ITSN2: variants seen among roughly 807,000 people sequenced by gnomAD.
ITSN2 encodes the protein intersectin 2.
Under a neutral mutation model 243.7 loss-of-function variants are expected in ITSN2, and 156 were observed. That is an observed-to-expected ratio of 0.64 (90% CI 0.56 to 0.73). The LOEUF is 0.73. Ranked by LOEUF, ITSN2 falls within the 30% of genes least tolerant of loss-of-function variation. The probability of loss-of-function intolerance (pLI) is 0.00; values close to 1 mark genes in which losing one functional copy is unlikely to be tolerated. For synonymous variants in ITSN2, 703 were observed against 699.9 expected (o/e 1.00, Z -0.07); for missense variants, 1,801 against 1,996.1 (o/e 0.90, Z 1.86).
intron 1 of ITSN2, among the ~76,000 whole-genome samples, chr2:24,355,035 T>C (rs1688323442): frequency 6.6e-6 from 1 of 152,214 alleles, no homozygotes; most frequent in Non-Finnish European, 1.5e-5. Flanking sequence ...TCTTGATCTA[T>C]TAACTGTCCT....
At chr2:24,328,935 TAAGAG>T (rs941995785) in intron 1 of ITSN2, among the ~76,000 whole-genome samples, 7 of 152,366 alleles carry the variant, frequency 4.6e-5, no homozygotes, top group African/African-American at 1.7e-4. Context: ...GCAAGCACTC[TAAGAG>T]AAGGGACTTT....
chr2:24,300,222 C>T, intron 11 of ITSN2, 51 bp from the exon 12 acceptor site: 2 of 1,575,002 alleles, frequency 1.3e-6, no homozygotes, highest in Non-Finnish European at 1.7e-6. Flanking sequence ...GCCTACAGAA[C>T]CTGTAATCTA....
At chr2:24,260,082 G>A (rs974692506) in intron 22 of ITSN2, among the ~76,000 whole-genome samples, 11 of 151,948 alleles carry the variant, frequency 7.2e-5, no homozygotes, top group African/African-American at 1.7e-4. Flanking sequence ...CACTATGCCC[G>A]GCTAATTTTT....
chr2:24,203,612 G>A lies in ITSN2; in HGVS notation c.*14C>T, dbSNP rs1386023618. The A allele has an allele frequency of 6.2e-7, 1 of 1,610,650 alleles. No homozygotes were observed. The highest frequency in any genetic ancestry group is 8.5e-7 in the Non-Finnish European group (1 of 1,178,010). On this transcript the variant is annotated 3_prime_UTR_variant, in exon 40 of 40. Transcript: ENST00000355123. ...CCTTGTGGGCTGTCCCGCTGGTGCT[G>A]TCCTTTAGAACCCCTACAGGAGAGT... is the stretch of plus-strand genomic sequence containing the variant.
intron 1 of ITSN2, among the ~76,000 whole-genome samples, chr2:24,344,689 C>T (rs1481169651): frequency 6.6e-6 from 1 of 152,168 alleles, no homozygotes. Context: ...CAGTGGCTCA[C>T]GCCTGTAATC....
intron 1 of ITSN2, among the ~76,000 whole-genome samples, chr2:24,332,201 CA>C (rs1234971929): frequency 6.6e-6 from 1 of 152,106 alleles, no homozygotes; most frequent in African/African-American, 2.4e-5. Context: ...AAGATCAGGC[CA>C]TTGCACTCCA....
intron 15 of ITSN2, 90 bp downstream of exon 15, chr2:24,293,598 T>A: frequency 1.8e-6 from 1 of 541,712 alleles, no homozygotes; most frequent in Non-Finnish European, 3.3e-6. Flanking sequence ...TATAACAGAA[T>A]ACTTTTTTTA....
At chr2:24,250,677 C>T (rs1558486308) in intron 25 of ITSN2, among the ~76,000 whole-genome samples, 1 of 152,162 alleles carries the variant, frequency 6.6e-6, no homozygotes, top group East Asian at 1.9e-4. Context: ...GCTTCAGATT[C>T]CATGTTGCAA....
chr2:24,231,858 T>C (rs953090769), intron 29 of ITSN2, among the ~76,000 whole-genome samples: 11 of 152,212 alleles, frequency 7.2e-5, no homozygotes, highest in Admixed American at 6.5e-5. Flanking sequence ...TGCCCACTTA[T>C]GCGGCCAGAG....
At chr2:24,330,793 T>G in intron 1 of ITSN2, 1 of 414,426 alleles carries the variant, frequency 2.4e-6, no homozygotes, top group Non-Finnish European at 4.5e-6. Flanking sequence ...TTTAGATGAA[T>G]TCTCGCTCTA....
At chr2:24,309,349 C>T (rs1387733280) in intron 7 of ITSN2, among the ~76,000 whole-genome samples, 1 of 152,074 alleles carries the variant, frequency 6.6e-6, no homozygotes, top group Admixed American at 6.5e-5. Context: ...CATGCCACCA[C>T]GCCCGGCTAA....
At chr2:24,303,960 T>C in intron 8 of ITSN2, 98 bp from the exon 9 acceptor site, 1 of 854,544 alleles carries the variant, frequency 1.2e-6, no homozygotes, top group Non-Finnish European at 2.0e-6. Flanking sequence ...GCTACCAGGG[T>C]ATCCTGGGAA....
chr2:24,324,798 A>G (rs1267389910), intron 2 of ITSN2, among the ~76,000 whole-genome samples: 1 of 142,300 alleles, frequency 7.0e-6, no homozygotes, highest in Non-Finnish European at 1.5e-5. Flanking sequence ...GATTGCAGTG[A>G]GCAATGTTCA....
intron 29 of ITSN2, among the ~76,000 whole-genome samples, chr2:24,228,651 AG>A (rs1348810462): frequency 1.3e-5 from 2 of 152,204 alleles, no homozygotes; most frequent in African/African-American, 4.8e-5. Context: ...CTCAAAGAAC[AG>A]ACATAGACTA....
chr2:24,258,775 C>G (rs1310168754), intron 22 of ITSN2, among the ~76,000 whole-genome samples: 1 of 152,124 alleles, frequency 6.6e-6, no homozygotes, highest in Non-Finnish European at 1.5e-5. Flanking sequence ...AATTTAGGTT[C>G]AGCACTCATC....
At chr2:24,330,708 G>A (rs1685687604) in intron 1 of ITSN2, 1 of 660,264 alleles carries the variant, frequency 1.5e-6, no homozygotes, top group Non-Finnish European at 2.8e-6. Flanking sequence ...TGTACTTCTG[G>A]TGACAGTAGT....
Position 24,204,834 on chromosome 2 carries a change from TCAG to T in ITSN2, c.4762+377_4762+379del, listed in dbSNP as rs771977672. ...TAGAAAGCATTCCTTTATTCAGTGTTCAGAAGAGTCATCAGTGGCTGGGCGCAG... is the reference window on the plus strand; with the variant it reads ...TAGAAAGCATTCCTTTATTCAGTGTTAAGAGTCATCAGTGGCTGGGCGCAG... On this transcript the variant is annotated intron_variant, in intron 38 of 39. Coordinates refer to ENST00000355123, the MANE Select transcript of ITSN2 (RefSeq NM_006277.3). This position sits in a 1 kb window ranked among gnomAD's most constrained non-coding sequence, Gnocchi z 5.1. 9 of 426,546 alleles carry T rather than the reference TCAG, an allele frequency of 2.1e-5. No homozygotes were observed. Among genetic ancestry groups the T allele is most frequent in the Middle Eastern group, 3.4e-4 (1 of 2,942 alleles). 26.4% of individuals were successfully genotyped at this position (426,546 alleles called of 1,614,324 possible). A position where few individuals can be genotyped will look rare whatever the true frequency, so the allele number is the denominator to read the frequency against.
At chr2:24,244,939 A>AG (rs1447435223) in intron 29 of ITSN2, among the ~76,000 whole-genome samples, 1 of 152,224 alleles carries the variant, frequency 6.6e-6, no homozygotes, top group African/African-American at 2.4e-5. Flanking sequence ...CTGAATCATA[A>AG]GTGTATCTGA....
rs904212603 is a variant in ITSN2, at chr2:24,310,828, C to G, written c.353-136G>C. On this transcript the variant is annotated intron_variant, in intron 5 of 39. Coordinates refer to ENST00000355123, the MANE Select transcript of ITSN2 (RefSeq NM_006277.3). ...AGATGAATTATCCTTAAAAAACTCA[C>G]TACTTTGACCCAGCAGTGAGGGAGG... 59 of 687,584 alleles carry G rather than the reference C, an allele frequency of 8.6e-5. No homozygotes were observed. The African/African-American group carries it at 9.7e-4, about 11-fold the overall frequency. 42.6% of individuals were successfully genotyped at this position (687,584 alleles called of 1,614,324 possible). A position where few individuals can be genotyped will look rare whatever the true frequency, so the allele number is the denominator to read the frequency against.
Sources: allele counts gnomAD v4.1 joint callset (sites outside exome capture counted in the v4.1 genomes callset), GRCh38; gene constraint gnomAD v4.1.1; non-coding constraint Gnocchi (gnomAD v3.1); transcripts MANE v1.5; gene names NCBI Gene and HGNC (gene_info 2026-07-23, HGNC 2026-07-21).